The following SLC43A2 variants were observed in gnomAD, a reference collection of about 807,000 sequenced individuals.
The protein encoded by SLC43A2 is large neutral amino acids transporter small subunit 4.
A neutral mutation model predicts 63.2 loss-of-function variants in SLC43A2; 38 were observed. That is an observed-to-expected ratio of 0.60 (90% confidence interval 0.46 to 0.79). The LOEUF is 0.79. Among genes scored for constraint, SLC43A2 ranks in the 30% least tolerant of loss-of-function variants. The pLI, the probability that SLC43A2 is intolerant of heterozygous loss-of-function variation, is 0.00. For missense variants in SLC43A2, 644 were observed against 756.2 expected, an observed-to-expected ratio of 0.85 and a Z score of 1.74; for synonymous variants, 322 against 331.0, an observed-to-expected ratio of 0.97 and a Z score of 0.30.
rs556497603 is a variant in SLC43A2 at position 1,578,198 on chromosome 17, G to C, written c.1424+52C>G. The C allele has an allele frequency of 3.8e-6, 6 of 1,572,514 alleles. No individual in the cohort carries two copies. The African/African-American group carries it at 8.1e-5, about 21-fold the overall frequency. ...TCAGTCCCACCAGCAACCTCCCCCC[G>C]GCCATTCCCACACCCTCGCCCACCA... On this transcript the variant is annotated intron_variant, in intron 12 of 13. Transcript: ENST00000301335. The surrounding 1 kb of genome is among the most constrained non-coding windows in gnomAD (Gnocchi z 6.5).
chr17:1,577,472 G>GGGGGAGGCGGA lies in SLC43A2; in HGVS notation c.1425-753_1425-752insTCCGCCTCCCC. Among the ~76,000 whole-genome samples the GGGGGAGGCGGA allele has an allele frequency of 6.6e-6, 1 of 152,346 alleles. No individual in the cohort carries two copies. Among genetic ancestry groups the GGGGGAGGCGGA allele is most frequent in the East Asian group, 1.9e-4 (1 of 5,182 alleles). ...CCACAGCTTCCTCCAGGCCTGGGGA[G>GGGGGAGGCGGA]GGGCAGGCGGAGGGCAAGCGGAGCT... On this transcript the variant is annotated intron_variant, in intron 12 of 13. Coordinates refer to ENST00000301335, the MANE Select transcript of SLC43A2 (RefSeq NM_152346.3). This position sits in a 1 kb window ranked among gnomAD's most constrained non-coding sequence, Gnocchi z 4.9.
intron 2 of SLC43A2, among the ~76,000 whole-genome samples, chr17:1,626,188 T>TTA (rs1422210238): frequency 1.3e-5 from 2 of 149,548 alleles, no homozygotes; most frequent in Non-Finnish European, 3.0e-5. Context: ...TTTTTTTTTT[T>TTA]TAAACCCTGT....
At position 1,590,929 on chromosome 17, in the gene SLC43A2, G is replaced by T. The variant is rs1317167525; in HGVS notation, c.951C>A (p.His317Gln). Reference protein sequence around the residue: ...PDAAVAPSFMHSVFSPILLLS... With the variant: ...PDAAVAPSFMQSVFSPILLLS... ...GCAGCAGGATGGGGCTGAACACGCT[G>T]TGCATGAAGGAGGGGGCCACTGCAG... The change falls in exon 9 of 14, where the codon CAC (histidine) becomes CAA (glutamine). Residue 317 changes from histidine to glutamine, a missense_variant. Coordinates refer to ENST00000301335, the MANE Select transcript of SLC43A2 (RefSeq NM_152346.3). 1 of 1,550,984 alleles carries T rather than the reference G, an allele frequency of 6.4e-7. No homozygotes were observed. Among genetic ancestry groups the T allele is most frequent in the Non-Finnish European group, 8.7e-7 (1 of 1,147,222 alleles).
chr17:1,626,985 G>T (rs188166672), intron 2 of SLC43A2, among the ~76,000 whole-genome samples: 1 of 152,264 alleles, frequency 6.6e-6, no homozygotes, highest in East Asian at 1.9e-4. Flanking sequence ...TGTGTTGGGT[G>T]GTGCAGATGT....
At chr17:1,581,867 G>A (rs752361740) in intron 11 of SLC43A2, among the ~76,000 whole-genome samples, 71 of 150,612 alleles carry the variant, frequency 4.7e-4, no homozygotes, top group Non-Finnish European at 3.4e-4. Flanking sequence ...GTGCAGTGGC[G>A]CAATCTCGGC....
In SLC43A2 at chr17:1,583,150, T is replaced by C. The variant is rs2076046096; in HGVS notation, c.1350+54A>G. On this transcript the variant is annotated intron_variant, in intron 11 of 13. Transcript: ENST00000301335. This position sits in a 1 kb window ranked among gnomAD's most constrained non-coding sequence, Gnocchi z 5.5. Reference sequence around the variant, plus strand: ...CATTACACACTTTTGAGTCTTTACATGTTCCTTCTGACTGCCCCACCTCCC... The same window carrying C: ...CATTACACACTTTTGAGTCTTTACACGTTCCTTCTGACTGCCCCACCTCCC... The C allele has an allele frequency of 2.5e-6, 4 of 1,580,436 alleles. No individual in the cohort carries two copies. The highest frequency in any genetic ancestry group is 3.4e-5 in the Admixed American group (2 of 59,000).
rs1003310490 is a variant in SLC43A2, at chr17:1,583,047, C to G, written c.1350+157G>C. Among the ~76,000 whole-genome samples, 1 of 152,216 alleles carries G rather than the reference C, an allele frequency of 6.6e-6. No individual in the cohort carries two copies. Among genetic ancestry groups the G allele is most frequent in the Non-Finnish European group, 1.5e-5 (1 of 68,040 alleles). On this transcript the variant is annotated intron_variant, in intron 11 of 13. Transcript: ENST00000301335. The surrounding 1 kb of genome is among the most constrained non-coding windows in gnomAD (Gnocchi z 5.5). ...TGAGCCGAGATCACACCACTGCACTCCAGCCTGAGCAACAGAGTTTGACTC... is the reference window on the plus strand; with the variant it reads ...TGAGCCGAGATCACACCACTGCACTGCAGCCTGAGCAACAGAGTTTGACTC...
intron 5 of SLC43A2, among the ~76,000 whole-genome samples, chr17:1,594,574 T>TTTTC (rs1407286478): frequency 4.9e-5 from 7 of 141,484 alleles, no homozygotes; most frequent in Admixed American, 7.6e-5. Flanking sequence ...TCTTGAATCT[T>TTTTC]TTTCTTTCTT....
Position 1,610,164 on chromosome 17 carries a change from C to T in SLC43A2, c.501+3031G>A, listed in dbSNP as rs1393039298. Among the ~76,000 whole-genome samples, 6 of 152,118 alleles carry T rather than the reference C, an allele frequency of 3.9e-5. No homozygotes were observed. In the South Asian group the frequency reaches 6.2e-4, roughly 16 times the overall value. ...ACTCCTGACCTCAGGTGATGGGAAC[C>T]TTCTCAGCCTCCCAAAGTGCTGGGA... On this transcript the variant is annotated intron_variant, in intron 5 of 13. Transcript: ENST00000301335.
intron 2 of SLC43A2, among the ~76,000 whole-genome samples, chr17:1,622,564 C>CAA (rs1430269140): frequency 3.2e-5 from 4 of 125,516 alleles, no homozygotes; most frequent in Non-Finnish European, 6.9e-5. Flanking sequence ...GACTCTGTCT[C>CAA]AAAAAAAAAA....
chr17:1,585,240 T>C, intron 10 of SLC43A2: 1 of 995,588 alleles, frequency 1.0e-6, no homozygotes, highest in South Asian at 4.3e-5. Context: ...CAATGCTTCT[T>C]CTTTATTGTT....
intron 8 of SLC43A2, 101 bp downstream of exon 8, chr17:1,591,168 G>T (rs1598450312): frequency 6.8e-7 from 1 of 1,461,734 alleles, no homozygotes; most frequent in Non-Finnish European, 9.2e-7. Context: ...GAACAGGGCG[G>T]GCGGGGCCGC....
chr17:1,616,344 T>G, intron 3 of SLC43A2: 1 of 560,730 alleles, frequency 1.8e-6, no homozygotes, highest in Non-Finnish European at 3.1e-6. Flanking sequence ...CTGGGCGGCC[T>G]GGAGCCTGGA....
rs115358575 is a variant in SLC43A2 at position 1,585,400 on chromosome 17, G to A, written c.1217+513C>T. On this transcript the variant is annotated intron_variant, in intron 10 of 13. Coordinates refer to ENST00000301335, the MANE Select transcript of SLC43A2 (RefSeq NM_152346.3). Reference sequence around the variant, plus strand: ...GGGATTACAGGCGCGCGCCGCCACCGCACCTGGCTAATTTTTTGTATTTTT... The same window carrying A: ...GGGATTACAGGCGCGCGCCGCCACCACACCTGGCTAATTTTTTGTATTTTT... 6.3e-3 allele frequency: 2,224 copies of A among 350,520 alleles called. 38 individuals carry two copies. Among genetic ancestry groups the A allele is most frequent in the African/African-American group, 0.044 (2,033 of 46,652 alleles). The allele number at this position is 350,520 out of a possible 1,614,324, so 21.7% of individuals were successfully genotyped here. A position where few individuals can be genotyped will look rare whatever the true frequency, so the allele number is the denominator to read the frequency against.
intron 2 of SLC43A2, among the ~76,000 whole-genome samples, chr17:1,625,312 T>C (rs1049132136): frequency 2.0e-5 from 3 of 152,182 alleles, no homozygotes; most frequent in Admixed American, 6.5e-5. Flanking sequence ...TGTGGCGAGA[T>C]TCTGGCTGGA....
In SLC43A2 at chr17:1,569,795, A is replaced by G. The variant is rs2075819653; in HGVS notation, c.*5809T>C. The G allele has an allele frequency of 6.6e-6, 1 of 152,192 alleles. No individual in the cohort carries two copies. The highest frequency in any genetic ancestry group is 2.4e-5 in the African/African-American group (1 of 41,412). The allele number at this position is 152,192 out of a possible 1,614,324, so 9.4% of individuals were successfully genotyped here. On this transcript the variant is annotated 3_prime_UTR_variant, in exon 14 of 14. Transcript: ENST00000301335. ...CTTACCAAAACGTGAAAGCCACAAA[A>G]GAAAAGTGAACGAGAGAAGAGTTTC...
At chr17:1,588,679 C>T (rs1904445535) in intron 9 of SLC43A2, among the ~76,000 whole-genome samples, 1 of 118,708 alleles carries the variant, frequency 8.4e-6, no homozygotes, top group African/African-American at 3.3e-5. Flanking sequence ...GCCTGGGTGG[C>T]AGAGCAAGAC....
At chr17:1,616,997 T>C (rs1421500775) in intron 2 of SLC43A2, among the ~76,000 whole-genome samples, 1 of 152,222 alleles carries the variant, frequency 6.6e-6, no homozygotes, top group East Asian at 1.9e-4. Context: ...ATGGACCCTT[T>C]GAAAAATCCA....
At chr17:1,590,688 C>G (rs571752060) in intron 9 of SLC43A2, 114 bp downstream of exon 9, 53 of 1,341,812 alleles carry the variant, frequency 3.9e-5, no homozygotes, top group Middle Eastern at 2.6e-4. Context: ...TCCTGGGATG[C>G]GGCCTTTCCA....
Sources: gnomAD v4.1 joint callset for allele counts (sites outside exome capture counted in the v4.1 genomes callset) on GRCh38, gnomAD v4.1.1 for gene constraint, Gnocchi (gnomAD v3.1) non-coding constraint, MANE v1.5 for transcripts, NCBI Gene and HGNC (gene_info 2026-07-23, HGNC 2026-07-21) for gene names.